Variants in DRC12 observed in about 807,000 individuals in gnomAD.
DRC12 encodes the protein dynein regulatory complex protein 12.
chr11:119,193,845 T>G, the DRC12 span: 5 of 1,551,490 alleles, frequency 3.2e-6, no homozygotes, highest in South Asian at 2.4e-5. Flanking sequence ...TCAGCTGGTC[T>G]TCGGAAGCCT....
At chr11:119,191,062 G>T in the DRC12 span, among the ~76,000 whole-genome samples, 3 of 152,042 alleles carry the variant, frequency 2.0e-5, no homozygotes, top group South Asian at 6.2e-4. Context: ...TACTACCTAG[G>T]TGACCACATG....
At chr11:119,193,321 G>T in the DRC12 span, 1 of 1,241,532 alleles carries the variant, frequency 8.1e-7, no homozygotes. Flanking sequence ...GTTGTGGGTG[G>T]GGAAGACTCT....
the DRC12 span, chr11:119,194,959 C>T: frequency 1.3e-6 from 2 of 1,551,474 alleles, no homozygotes; most frequent in African/African-American, 1.4e-5. Flanking sequence ...TCCAGCACCA[C>T]CAGCCTGTGC....
At chr11:119,195,634 T>C in the DRC12 span, 3 of 651,044 alleles carry the variant, frequency 4.6e-6, no homozygotes, top group Non-Finnish European at 8.0e-6. Flanking sequence ...CACAGTCTCT[T>C]TGGAACCTCA....
chr11:119,191,480 C>A, the DRC12 span, among the ~76,000 whole-genome samples: 1 of 151,958 alleles, frequency 6.6e-6, no homozygotes, highest in Non-Finnish European at 1.5e-5. Flanking sequence ...GATGACAAAG[C>A]ACCTAGCTAG....
chr11:119,195,655 G>C, the DRC12 span: 1 of 611,772 alleles, frequency 1.6e-6, no homozygotes, highest in South Asian at 2.0e-5. Flanking sequence ...GACAGGGTTG[G>C]GGTCAGTGGG....
the DRC12 span, chr11:119,190,308 T>C: frequency 6.2e-7 from 1 of 1,614,184 alleles, no homozygotes; most frequent in East Asian, 2.2e-5. The surrounding 1 kb of genome is among the most constrained non-coding windows in gnomAD (Gnocchi z 4.2). Context: ...CACTAGAGAC[T>C]AGGGGCTGGT....
At chr11:119,193,418 G>T in the DRC12 span, 1 of 844,364 alleles carries the variant, frequency 1.2e-6, no homozygotes, top group Non-Finnish European at 1.8e-6. Flanking sequence ...ACCTGAGGAA[G>T]GGACAGGAAG....
the DRC12 span, chr11:119,190,319 G>A: frequency 1.2e-6 from 2 of 1,614,160 alleles, no homozygotes; most frequent in African/African-American, 1.3e-5. This position sits in a 1 kb window ranked among gnomAD's most constrained non-coding sequence, Gnocchi z 4.2. Flanking sequence ...AGGGGCTGGT[G>A]GCCTCAAAGA....
the DRC12 span, among the ~76,000 whole-genome samples, chr11:119,194,437 C>T: frequency 7.5e-6 from 1 of 133,400 alleles, no homozygotes; most frequent in Non-Finnish European, 1.5e-5. Context: ...TCGCTTGAAC[C>T]TGGGAGGCAG....
At chr11:119,193,741 C>T in the DRC12 span, 1 of 1,550,856 alleles carries the variant, frequency 6.4e-7, no homozygotes, top group Non-Finnish European at 8.7e-7. Flanking sequence ...CTGTCTCCTG[C>T]CCACCTGCTT....
chr11:119,194,798 C>T, the DRC12 span: 1 of 593,958 alleles, frequency 1.7e-6, no homozygotes, highest in Non-Finnish European at 3.0e-6. Context: ...TCTTTTTCCA[C>T]TAGGGGATGG....
the DRC12 span, chr11:119,195,514 G>A: frequency 2.0e-6 from 3 of 1,532,460 alleles, no homozygotes; most frequent in Non-Finnish European, 2.7e-6. Context: ...GAGAAGGAGG[G>A]GACCTTATGT....
chr11:119,193,831 T>C, the DRC12 span: 37 of 1,551,548 alleles, frequency 2.4e-5, no homozygotes, highest in African/African-American at 4.9e-4. Flanking sequence ...TTGCAGCCTC[T>C]GCCTCAGCTG....
At chr11:119,190,491 A>T in the DRC12 span, 34 of 1,612,236 alleles carry the variant, frequency 2.1e-5, no homozygotes, top group Non-Finnish European at 2.9e-5. This position sits in a 1 kb window ranked among gnomAD's most constrained non-coding sequence, Gnocchi z 4.2. Flanking sequence ...AAAGAGAGAG[A>T]GGGAAGGAGT....
chr11:119,193,301 AG>A, the DRC12 span: 1 of 1,434,284 alleles, frequency 7.0e-7, no homozygotes, highest in Non-Finnish European at 9.8e-7. Context: ...GGATGGAGAA[AG>A]GAAATGAAGT....
At chr11:119,191,247 A>G in the DRC12 span, among the ~76,000 whole-genome samples, 24 of 151,914 alleles carry the variant, frequency 1.6e-4, no homozygotes, top group Admixed American at 4.6e-4. Context: ...TTACAGGCAC[A>G]TGCCACCATG....
chr11:119,193,336 G>T, the DRC12 span: 9 of 1,095,152 alleles, frequency 8.2e-6, no homozygotes, highest in Admixed American at 7.2e-5. Flanking sequence ...GACTCTACTT[G>T]GTCTAGTGGA....
chr11:119,195,314 A>G, the DRC12 span: 3 of 1,010,496 alleles, frequency 3.0e-6, no homozygotes, highest in Non-Finnish European at 4.4e-6. Context: ...GTAGGTCAAG[A>G]GAGCTCCATC....
Sources: allele counts gnomAD v4.1 joint callset (sites outside exome capture counted in the v4.1 genomes callset), GRCh38; gene constraint gnomAD v4.1.1; non-coding constraint Gnocchi (gnomAD v3.1); transcripts MANE v1.5; gene names NCBI Gene and HGNC (gene_info 2026-07-23, HGNC 2026-07-21).